The following FARP1 variants were observed in gnomAD, a reference collection of about 807,000 sequenced individuals.
FARP1 encodes the protein FERM, ARH/RhoGEF and pleckstrin domain protein 1.
A neutral mutation model predicts 128.8 loss-of-function variants in FARP1; 52 were observed. The ratio of observed to expected loss-of-function variants is 0.40; its 90% confidence interval spans 0.32 to 0.51. The LOEUF is 0.51. Ranked by LOEUF, FARP1 falls within the 20% of genes least tolerant of loss-of-function variation. The pLI is 0.45. For missense variants in FARP1, 1,333 were observed against 1,367.9 expected (o/e 0.97, Z 0.40); for synonymous variants, 580 against 551.8 (o/e 1.05, Z -0.72).
intron 2 of FARP1, among the ~76,000 whole-genome samples, chr13:98,307,109 C>T (rs1189570418): frequency 2.0e-5 from 3 of 152,190 alleles, no homozygotes; most frequent in African/African-American, 7.2e-5. Context: ...CCTCTTGACT[C>T]GCATGCTGTT....
chr13:98,390,233 G>A, intron 10 of FARP1, 113 bp downstream of exon 10: 1 of 1,168,742 alleles, frequency 8.6e-7, no homozygotes, highest in Non-Finnish European at 1.2e-6. Context: ...TGGCCTCCAG[G>A]AGCTATGGCC....
In FARP1 at chr13:98,448,804, AT is replaced by A. The variant is rs371664583; in HGVS notation, c.*497del. On this transcript the variant is annotated 3_prime_UTR_variant, in exon 27 of 27. Coordinates refer to ENST00000319562, the MANE Select transcript of FARP1 (RefSeq NM_005766.4). The stretch of plus-strand genomic sequence containing the variant: ...GCAAATGAGATCATTTTCAGATTTC[AT>A]TTTTTTTTTCAGTCTTTCTACTTTT... 187 of 80,166 alleles carry A rather than the reference AT, an allele frequency of 2.3e-3. 1 individual carries two copies. The Middle Eastern group carries it at 0.056, about 24-fold the overall frequency. 5.0% of individuals were successfully genotyped at this position (80,166 alleles called of 1,614,324 possible).
chr13:98,166,103 A>G (rs1363611747), intron 1 of FARP1, among the ~76,000 whole-genome samples: 2 of 152,260 alleles, frequency 1.3e-5, no homozygotes, highest in South Asian at 2.1e-4. Flanking sequence ...TCAGTTTAAT[A>G]CACTCCGAAG....
rs373713490 is a variant in FARP1, at chr13:98,437,779, C to T, written c.2275-1025C>T. ...CGGTCCCACCAGCCTGGCTCCTTTT[C>T]CCTTATTAGGACTCCACACTTAGGA... On this transcript the variant is annotated intron_variant, in intron 19 of 26. Coordinates refer to ENST00000319562, the MANE Select transcript of FARP1 (RefSeq NM_005766.4). 149 of 1,564,770 alleles carry T rather than the reference C, an allele frequency of 9.5e-5. No homozygotes were observed. The African/African-American group carries it at 1.9e-3, about 20-fold the overall frequency.
chr13:98,426,866 T>A (rs1295670764), intron 17 of FARP1, among the ~76,000 whole-genome samples: 1 of 152,242 alleles, frequency 6.6e-6, no homozygotes, highest in Non-Finnish European at 1.5e-5. Flanking sequence ...TTTTCCACTT[T>A]CCATGGGAGT....
In FARP1 at chr13:98,429,771, AG is replaced by A. The variant is rs537070027; in HGVS notation, c.1906-1271del. On this transcript the variant is annotated intron_variant, in intron 17 of 26. Transcript: ENST00000319562. ...CTGAGGTTGGGCCATAGCCTGGATGAGAAATCTAGATCTGGTGCCGCATTTT... is the reference window on the plus strand; with the variant it reads ...CTGAGGTTGGGCCATAGCCTGGATGAAAATCTAGATCTGGTGCCGCATTTT... 1.1e-3 allele frequency among the ~76,000 whole-genome samples: 168 copies of A among 152,312 alleles called. 1 individual carries two copies. The highest frequency in any genetic ancestry group is 3.9e-3 in the African/African-American group (164 of 41,570).
At chr13:98,198,258 C>A (rs1416868264) in intron 1 of FARP1, among the ~76,000 whole-genome samples, 1 of 152,206 alleles carries the variant, frequency 6.6e-6, no homozygotes, top group African/African-American at 2.4e-5. Flanking sequence ...TTAAGTTGAT[C>A]CTGCTGTCTT....
At chr13:98,427,425 T>C (rs893910854) in intron 17 of FARP1, among the ~76,000 whole-genome samples, 12 of 152,208 alleles carry the variant, frequency 7.9e-5, no homozygotes, top group African/African-American at 2.9e-4. Context: ...TTCTCAGCTT[T>C]TCTCCCTGTG....
At chr13:98,307,107 C>T (rs1486868800) in intron 2 of FARP1, among the ~76,000 whole-genome samples, 7 of 152,226 alleles carry the variant, frequency 4.6e-5, no homozygotes, top group African/African-American at 9.6e-5. Context: ...TCCCTCTTGA[C>T]TCGCATGCTG....
chr13:98,422,087 G>A (rs1302779856), intron 16 of FARP1, among the ~76,000 whole-genome samples: 1 of 152,202 alleles, frequency 6.6e-6, no homozygotes, highest in African/African-American at 2.4e-5. Flanking sequence ...GGTGAAAAGA[G>A]AGGACAACCA....
intron 2 of FARP1, among the ~76,000 whole-genome samples, chr13:98,253,745 T>A (rs1883462448): frequency 6.6e-6 from 1 of 152,170 alleles, no homozygotes; most frequent in Admixed American, 6.5e-5. Flanking sequence ...GCTCTTGGCC[T>A]TTTATTTTAT....
intron 1 of FARP1, among the ~76,000 whole-genome samples, chr13:98,149,729 C>CTTTT (rs71120307): frequency 3.8e-5 from 2 of 52,382 alleles, no homozygotes; most frequent in African/African-American, 6.8e-5. Context: ...TAGATATTTA[C>CTTTT]TTTTTTTTTT....
chr13:98,441,633 G>C (rs1056720022), intron 24 of FARP1, among the ~76,000 whole-genome samples: 6 of 152,214 alleles, frequency 3.9e-5, no homozygotes, highest in African/African-American at 1.4e-4. Flanking sequence ...GGTGGGCCAG[G>C]GAGTAAGTTT....
At chr13:98,300,715 A>T (rs1246680315) in intron 2 of FARP1, among the ~76,000 whole-genome samples, 1 of 152,180 alleles carries the variant, frequency 6.6e-6, no homozygotes, top group Non-Finnish European at 1.5e-5. Context: ...GAACAGCATT[A>T]TGAATATTAC....
chr13:98,224,419 C>T lies in FARP1; in HGVS notation c.171+11006C>T, dbSNP rs539665606. 6.8e-5 allele frequency among the ~76,000 whole-genome samples: 10 copies of T among 148,052 alleles called. No individual in the cohort carries two copies. The South Asian group carries it at 1.1e-3, about 16-fold the overall frequency. ...GCGAGTGCCTGTAGTCCCAGCTACTCGGGAGGCTGAGGCAGGAGAATGGCG... is the reference window on the plus strand; with the variant it reads ...GCGAGTGCCTGTAGTCCCAGCTACTTGGGAGGCTGAGGCAGGAGAATGGCG... On this transcript the variant is annotated intron_variant, in intron 2 of 26. Coordinates refer to ENST00000319562, the MANE Select transcript of FARP1 (RefSeq NM_005766.4).
At chr13:98,418,027 C>T (rs79138647) in intron 16 of FARP1, among the ~76,000 whole-genome samples, 2,827 of 152,154 alleles carry the variant, frequency 0.019, 98 homozygotes, top group African/African-American at 0.064. Flanking sequence ...AATGTGTGAT[C>T]GAATATCCTT....
chr13:98,247,774 A>G (rs1159835960), intron 2 of FARP1, among the ~76,000 whole-genome samples: 2 of 152,198 alleles, frequency 1.3e-5, no homozygotes, highest in Non-Finnish European at 2.9e-5. Flanking sequence ...AAGAAAGTCC[A>G]GGCAAACAGA....
chr13:98,347,899 G>C (rs1175503573), intron 3 of FARP1, among the ~76,000 whole-genome samples: 1 of 152,132 alleles, frequency 6.6e-6, no homozygotes, highest in Non-Finnish European at 1.5e-5. Flanking sequence ...TTTCCCCCAA[G>C]CACCTGGCAT....
chr13:98,415,040 A>C (rs1891324691), intron 16 of FARP1, among the ~76,000 whole-genome samples: 2 of 152,112 alleles, frequency 1.3e-5, no homozygotes, highest in African/African-American at 4.8e-5. Context: ...TGGCAGTGAG[A>C]GTCTGCCTTG....
Sources: allele counts gnomAD v4.1 joint callset (sites outside exome capture counted in the v4.1 genomes callset), GRCh38; gene constraint gnomAD v4.1.1; transcripts MANE v1.5; gene names NCBI Gene and HGNC (gene_info 2026-07-23, HGNC 2026-07-21).